PAK6: variants seen among roughly 807,000 people sequenced by gnomAD.
PAK6 encodes the protein p21 (RAC1) activated kinase 6.
Under a neutral mutation model 60.8 loss-of-function variants are expected in PAK6, and 33 were observed. That is an observed-to-expected ratio of 0.54 (90% CI 0.41 to 0.73). The LOEUF is 0.73. PAK6 is among the 30% of genes least tolerant of loss of function. PAK6 has a pLI of 0.00. For synonymous variants in PAK6, 404 were observed against 378.5 expected, an observed-to-expected ratio of 1.07 and a Z score of -0.78; for missense variants, 845 against 904.1, an observed-to-expected ratio of 0.93 and a Z score of 0.84.
chr15:40,276,093 G>A (rs748324898), exon 11 of PAK6: 3 of 1,613,332 alleles, frequency 1.9e-6, no homozygotes, highest in East Asian at 2.2e-5. Flanking sequence ...TCCACCTGCT[G>A]AGCCCACCCC....
At chr15:40,272,833 G>C (rs776706221) in intron 6 of PAK6, 33 bp from the exon 7 acceptor site, 40 of 1,609,102 alleles carry the variant, frequency 2.5e-5, no homozygotes, top group Non-Finnish European at 3.2e-5. Context: ...TCTGGGCACT[G>C]TGCCTGGCAC....
intron 5 of PAK6, among the ~76,000 whole-genome samples, chr15:40,270,767 C>T (rs964579487): frequency 2.6e-5 from 4 of 152,234 alleles, no homozygotes; most frequent in African/African-American, 9.6e-5. Flanking sequence ...AGCACACACT[C>T]GGGTGGGCAG....
intron 3 of PAK6, 50 bp from the exon 4 acceptor site, chr15:40,264,731 A>C: frequency 6.5e-7 from 1 of 1,545,992 alleles, no homozygotes; most frequent in Non-Finnish European, 8.9e-7. Context: ...GCCCTGCTGC[A>C]GCCACCCCTC....
rs186011101 is a variant in PAK6, at chr15:40,253,848, G to A, written c.-6+559G>A. ...GGCTAAGCCATGAAGAGCTCCCAGG[G>A]TGTAGGTTGCGTTTTCTGTATCTTG... On this transcript the variant is annotated intron_variant, in intron 3 of 10. Coordinates refer to ENST00000560346, the Ensembl canonical transcript of PAK6. Among the ~76,000 whole-genome samples, 5 of 152,324 alleles carry A rather than the reference G, an allele frequency of 3.3e-5. No individual in the cohort carries two copies. In the East Asian group the frequency reaches 7.7e-4, roughly 24 times the overall value.
chr15:40,275,280 G>GTTTTTTTTTTTTTTGTTTTTTTT (rs1555389202), intron 10 of PAK6, among the ~76,000 whole-genome samples: 7 of 56,486 alleles, frequency 1.2e-4, no homozygotes, highest in Admixed American at 2.8e-4. Flanking sequence ...GTTGTTGTTG[G>GTTTTTTTTTTTTTTGTTTTTTTT]TTTTTTTTTT....
intron 2 of PAK6, among the ~76,000 whole-genome samples, chr15:40,243,895 T>C (rs1377634887): frequency 6.6e-6 from 1 of 152,206 alleles, no homozygotes; most frequent in African/African-American, 2.4e-5. Context: ...GGAAGCTTTT[T>C]TCACATGCTG....
chr15:40,273,414 A>G, exon 8 of PAK6: 2 of 1,613,946 alleles, frequency 1.2e-6, no homozygotes, highest in South Asian at 2.2e-5. Context: ...CTGCATGCTC[A>G]GGGTGTCATC....
chr15:40,252,824 C>A, intron 2 of PAK6: 1 of 1,290,186 alleles, frequency 7.8e-7, no homozygotes, highest in Non-Finnish European at 1.0e-6. Context: ...TGGGCGCAGG[C>A]ATCTGGAGCT....
At position 40,268,194 on chromosome 15, in the gene PAK6, T is replaced by G. The variant is rs528015992; in HGVS notation, c.858+1699T>G. The stretch of plus-strand genomic sequence containing the variant: ...CTTCTGGGCAACTCAGACACATCTT[T>G]CAAGATTTCTACTCTGAAGCCAAGC... On this transcript the variant is annotated intron_variant, in intron 5 of 10. Transcript: ENST00000560346. Among the ~76,000 whole-genome samples, 22 of 152,230 alleles carry G rather than the reference T, an allele frequency of 1.4e-4. 1 individual carries two copies. In the South Asian group the frequency reaches 4.6e-3, roughly 32 times the overall value.
intron 2 of PAK6, among the ~76,000 whole-genome samples, chr15:40,244,662 T>C (rs1013895126): frequency 6.6e-6 from 1 of 152,080 alleles, no homozygotes; most frequent in African/African-American, 2.4e-5. Context: ...CCTCCCAAAG[T>C]GCTGGGATTA....
chr15:40,274,400 C>T, intron 10 of PAK6, 124 bp downstream of exon 10: 1 of 1,043,852 alleles, frequency 9.6e-7, no homozygotes, highest in Non-Finnish European at 1.4e-6. Flanking sequence ...CTGGAAAAGG[C>T]TCCTCTTTCC....
intron 2 of PAK6, among the ~76,000 whole-genome samples, chr15:40,250,215 C>A (rs2038625375): frequency 6.6e-6 from 1 of 152,222 alleles, no homozygotes; most frequent in African/African-American, 2.4e-5. Context: ...GAGAGTCACA[C>A]ACAGGAATTA....
exon 5 of PAK6, chr15:40,266,406 A>G (rs2039138427): frequency 6.2e-7 from 1 of 1,613,082 alleles, no homozygotes; most frequent in Non-Finnish European, 8.5e-7. Flanking sequence ...GAGCAGCCTG[A>G]AGCGCAGGCT....
intron 4 of PAK6, among the ~76,000 whole-genome samples, chr15:40,265,569 C>T (rs1566853081): frequency 6.6e-6 from 1 of 152,204 alleles, no homozygotes; most frequent in African/African-American, 2.4e-5. Context: ...GCCGACCACA[C>T]CCCTGGGCAT....
At chr15:40,247,891 A>G (rs749898622) in intron 2 of PAK6, among the ~76,000 whole-genome samples, 6 of 152,144 alleles carry the variant, frequency 3.9e-5, no homozygotes, top group Non-Finnish European at 8.8e-5. Flanking sequence ...TCCAGTGTGC[A>G]TGCCCAGGGT....
chr15:40,250,309 C>T (rs1344421702), intron 2 of PAK6, among the ~76,000 whole-genome samples: 2 of 152,130 alleles, frequency 1.3e-5, no homozygotes, highest in East Asian at 1.9e-4. Flanking sequence ...GGCAACGGGG[C>T]GGATCGTGCA....
At chr15:40,277,342 C>A (rs1170995185) in exon 11 of PAK6, 1 of 152,482 alleles carries the variant, frequency 6.6e-6, no homozygotes, top group Non-Finnish European at 1.5e-5. Context: ...TTCTTCTGCT[C>A]CCTAGTGACC....
intron 7 of PAK6, 105 bp downstream of exon 7, chr15:40,273,104 G>C: frequency 7.0e-7 from 1 of 1,436,580 alleles, no homozygotes; most frequent in Non-Finnish European, 9.5e-7. Flanking sequence ...TGGGATGCCT[G>C]GGCTCCCCTG....
intron 5 of PAK6, among the ~76,000 whole-genome samples, chr15:40,268,633 G>A (rs889417056): frequency 1.3e-5 from 2 of 152,204 alleles, no homozygotes; most frequent in Admixed American, 1.3e-4. Context: ...AGGCATGGCT[G>A]CAGGAGGGTC....
Sources: allele counts gnomAD v4.1 joint callset (sites outside exome capture counted in the v4.1 genomes callset), GRCh38; gene constraint gnomAD v4.1.1; transcripts MANE v1.5; gene names NCBI Gene and HGNC (gene_info 2026-07-23, HGNC 2026-07-21).